Variants in KLHL32 observed in about 807,000 individuals in gnomAD.
KLHL32 encodes kelch-like protein 32.
A neutral mutation model predicts 64.8 loss-of-function variants in KLHL32; 35 were observed. The observed-to-expected ratio is 0.54, with a 90% confidence interval of 0.41 to 0.72. KLHL32 has a LOEUF of 0.72. Ranked by LOEUF, KLHL32 falls within the 30% of genes least tolerant of loss-of-function variation. The pLI is 0.00. For synonymous variants in KLHL32, 259 were observed against 281.0 expected (o/e 0.92, Z 0.78); for missense variants, 589 against 768.5 (o/e 0.77, Z 2.76).
Position 96,996,768 on chromosome 6 carries a change from T to C in KLHL32, c.204+20591T>C, listed in dbSNP as rs181232733. On this transcript the variant is annotated intron_variant, in intron 3 of 10. Transcript: ENST00000369261. ...AGCACTTACTGTTCTCAGGCAACTA[T>C]TCTAAATGTTTTATGTGTATCAAAC... Among the ~76,000 whole-genome samples, 872 of 152,308 alleles carry C rather than the reference T, an allele frequency of 5.7e-3. 2 individuals carry two copies. The highest frequency in any genetic ancestry group is 0.02 in the Middle Eastern group (6 of 294).
At chr6:97,106,899 C>G (rs1281702714) in intron 6 of KLHL32, among the ~76,000 whole-genome samples, 1 of 152,108 alleles carries the variant, frequency 6.6e-6, no homozygotes, top group Non-Finnish European at 1.5e-5. Flanking sequence ...CTGAAGTAAT[C>G]CATAAATGAG....
At chr6:96,968,007 A>G (rs1774659982) in intron 2 of KLHL32, among the ~76,000 whole-genome samples, 2 of 152,198 alleles carry the variant, frequency 1.3e-5, no homozygotes, top group Non-Finnish European at 2.9e-5. Flanking sequence ...AAAGAATAAG[A>G]GAGATGACAA....
intron 3 of KLHL32, among the ~76,000 whole-genome samples, chr6:96,985,378 T>C (rs908658476): frequency 5.9e-5 from 9 of 152,178 alleles, no homozygotes; most frequent in African/African-American, 1.2e-4. Flanking sequence ...AGGAGTATCT[T>C]TGTGGCATTC....
intron 6 of KLHL32, among the ~76,000 whole-genome samples, chr6:97,110,158 A>G (rs923720145): frequency 1.3e-5 from 2 of 152,102 alleles, no homozygotes; most frequent in Non-Finnish European, 2.9e-5. Flanking sequence ...GATGAGTACC[A>G]TTTTTCCATA....
intron 6 of KLHL32, among the ~76,000 whole-genome samples, chr6:97,091,410 C>G (rs1206478214): frequency 6.6e-6 from 1 of 152,196 alleles, no homozygotes; most frequent in Non-Finnish European, 1.5e-5. Flanking sequence ...AGTGCCTGCT[C>G]TACCCAGCCA....
At chr6:97,126,913 A>G (rs1450576400) in intron 7 of KLHL32, among the ~76,000 whole-genome samples, 5 of 152,130 alleles carry the variant, frequency 3.3e-5, no homozygotes, top group East Asian at 3.9e-4. Flanking sequence ...CTCTTGTTAT[A>G]TTCTATTGGA....
intron 1 of KLHL32, among the ~76,000 whole-genome samples, chr6:96,943,742 G>A (rs1011602088): frequency 1.4e-4 from 21 of 152,138 alleles, no homozygotes; most frequent in African/African-American, 4.8e-4. Flanking sequence ...TAAACACTTC[G>A]AGCTTCCTGC....
intron 3 of KLHL32, among the ~76,000 whole-genome samples, chr6:97,007,444 A>C (rs1382758027): frequency 6.6e-6 from 1 of 151,922 alleles, no homozygotes; most frequent in Non-Finnish European, 1.5e-5. Flanking sequence ...TTGAATATGG[A>C]TGATCTTTGT....
rs547388615 is a variant in KLHL32 at position 97,085,423 on chromosome 6, A to G, written c.627+82A>G. On this transcript the variant is annotated intron_variant, in intron 6 of 10. Transcript: ENST00000369261. ...GTTAAAGGACTGAGGAACAATTACC[A>G]CTATTTTAGTGGCTTTGGTCCTCAT... The G allele has an allele frequency of 4.7e-5, 57 of 1,208,138 alleles. No homozygotes were observed. The African/African-American group carries it at 7.1e-4, about 15-fold the overall frequency. The allele number at this position is 1,208,138 out of a possible 1,614,324, so 74.8% of individuals were successfully genotyped here.
intron 10 of KLHL32, among the ~76,000 whole-genome samples, chr6:97,136,057 T>G (rs867540015): frequency 6.6e-6 from 1 of 152,232 alleles, no homozygotes; most frequent in Admixed American, 6.5e-5. Flanking sequence ...GGTTTAAATT[T>G]TTTGTGTCGT....
At chr6:96,976,711 G>C (rs1161927663) in intron 3 of KLHL32, among the ~76,000 whole-genome samples, 3 of 152,088 alleles carry the variant, frequency 2.0e-5, no homozygotes, top group African/African-American at 7.2e-5. Flanking sequence ...TGATTCTCCT[G>C]CCTTAGCCTC....
intron 4 of KLHL32, 38 bp from the exon 5 acceptor site, chr6:97,064,590 G>A: frequency 6.9e-7 from 1 of 1,455,816 alleles, no homozygotes; most frequent in Non-Finnish European, 9.6e-7. Context: ...ATTTTTAAGT[G>A]TAACTGATAG....
chr6:96,907,193 C>T, the KLHL32 span, among the ~76,000 whole-genome samples: 2 of 152,202 alleles, frequency 1.3e-5, no homozygotes, highest in African/African-American at 4.8e-5. Flanking sequence ...AAATTTCAAA[C>T]ACATTTAAAT....
intron 3 of KLHL32, among the ~76,000 whole-genome samples, chr6:97,012,734 T>A (rs1187390094): frequency 6.6e-6 from 1 of 152,222 alleles, no homozygotes; most frequent in East Asian, 1.9e-4. Flanking sequence ...TTGAGAAACG[T>A]AATTCAGTCA....
chr6:97,077,216 G>A (rs1333974391), intron 5 of KLHL32, among the ~76,000 whole-genome samples: 1 of 152,178 alleles, frequency 6.6e-6, no homozygotes, highest in East Asian at 1.9e-4. Context: ...TTGTCCCGCA[G>A]AAGGGAAGGG....
chr6:96,963,257 C>A (rs901442623), intron 1 of KLHL32, among the ~76,000 whole-genome samples: 2 of 152,052 alleles, frequency 1.3e-5, no homozygotes, highest in Non-Finnish European at 2.9e-5. Flanking sequence ...GGGTTTGGGG[C>A]TTCTGGATGG....
chr6:96,905,720 CTAATA>C, the KLHL32 span, among the ~76,000 whole-genome samples: 2 of 152,048 alleles, frequency 1.3e-5, no homozygotes, highest in African/African-American at 4.8e-5. Context: ...TAACAAAATA[CTAATA>C]TAATAGGAAA....
intron 1 of KLHL32, among the ~76,000 whole-genome samples, chr6:96,957,892 A>G (rs1773445936): frequency 6.6e-6 from 1 of 152,230 alleles, no homozygotes; most frequent in Non-Finnish European, 1.5e-5. Flanking sequence ...AATACAAACT[A>G]AAACATCATG....
chr6:96,902,193 C>T, the KLHL32 span, among the ~76,000 whole-genome samples: 1 of 152,290 alleles, frequency 6.6e-6, no homozygotes, highest in African/African-American at 2.4e-5. Flanking sequence ...AACTAATTTA[C>T]ACTCCCACCA....
Sources: gnomAD v4.1 joint callset for allele counts (sites outside exome capture counted in the v4.1 genomes callset) on GRCh38, gnomAD v4.1.1 for gene constraint, MANE v1.5 for transcripts, NCBI Gene and HGNC (gene_info 2026-07-23, HGNC 2026-07-21) for gene names.